The following MAN1A1 variants were observed in gnomAD, a reference collection of about 807,000 sequenced individuals.
MAN1A1 encodes the protein mannosidase alpha class 1A member 1, also known as mannosyl-oligosaccharide 1,2-alpha-mannosidase IA.
MAN1A1 carries 29 observed loss-of-function variants against 70.8 expected under a neutral mutation model. That is an observed-to-expected ratio of 0.41 (90% CI 0.31 to 0.56). The LOEUF (loss-of-function observed/expected upper bound fraction) is 0.56, where lower values mean the gene tolerates loss of function less well. MAN1A1 is among the 20% of genes least tolerant of loss of function. The pLI is 0.29. For missense variants in MAN1A1, 747 were observed against 841.3 expected (o/e 0.89, Z 1.39); for synonymous variants, 349 against 330.1 (o/e 1.06, Z -0.62).
At position 119,188,487 on chromosome 6, in the gene MAN1A1, G is replaced by A. The variant is rs1439145415; in HGVS notation, c.1637C>T (p.Pro546Leu). Reference protein sequence around the residue: ...RQNEKYYILRPEVMETYMYMW... With the variant: ...RQNEKYYILRLEVMETYMYMW... ...ATACATGTAAGTCTCCATAACTTCT[G>A]GCCGTAAGATGTAGTATTTTTCATT... The change falls in exon 11 of 13, where the codon CCA becomes CTA. Residue 546 changes from proline to leucine, a missense_variant. Physicochemically the swap from Pro to Leu is moderately conservative, Grantham distance 98. Transcript: ENST00000368468. The A allele has an allele frequency of 6.2e-7, 1 of 1,613,892 alleles. No individual in the cohort carries two copies.
intron 6 of MAN1A1, among the ~76,000 whole-genome samples, chr6:119,234,854 G>T (rs1040819934): frequency 6.6e-6 from 1 of 152,174 alleles, no homozygotes; most frequent in Non-Finnish European, 1.5e-5. Flanking sequence ...CCTGTGTCAA[G>T]TCTATTGGTG....
At chr6:119,307,058 T>A in intron 2 of MAN1A1, 66 bp from the exon 3 acceptor site, 1 of 1,059,332 alleles carries the variant, frequency 9.4e-7, no homozygotes, top group East Asian at 2.4e-5. Context: ...AAATAGGTAA[T>A]ATATTGAAGA....
intron 10 of MAN1A1, 145 bp downstream of exon 10, chr6:119,189,518 TA>T: frequency 2.7e-6 from 2 of 737,748 alleles, no homozygotes; most frequent in Non-Finnish European, 4.5e-6. Flanking sequence ...CCTTTTAAAA[TA>T]AAATATACAT....
chr6:119,234,446 C>T (rs938183056), intron 6 of MAN1A1, among the ~76,000 whole-genome samples: 15 of 151,986 alleles, frequency 9.9e-5, no homozygotes, highest in Admixed American at 5.2e-4. Context: ...CAGGGTCTCA[C>T]TCTGTCACTT....
intron 2 of MAN1A1, among the ~76,000 whole-genome samples, chr6:119,317,347 A>C (rs755007958): frequency 2.0e-5 from 3 of 152,184 alleles, no homozygotes; most frequent in Non-Finnish European, 2.9e-5. Context: ...CCATAGTATC[A>C]TAGAGTATTT....
intron 4 of MAN1A1, among the ~76,000 whole-genome samples, chr6:119,300,377 T>A (rs984238507): frequency 1.3e-5 from 2 of 151,794 alleles, no homozygotes; most frequent in African/African-American, 2.4e-5. Context: ...TGCCTCAGCC[T>A]CCTGAGTAGC....
chr6:119,195,063 C>T (rs1339402168), intron 8 of MAN1A1, among the ~76,000 whole-genome samples: 2 of 151,960 alleles, frequency 1.3e-5, no homozygotes, highest in Non-Finnish European at 2.9e-5. Context: ...GAACTCCTGA[C>T]CTGATGATCT....
intron 4 of MAN1A1, among the ~76,000 whole-genome samples, chr6:119,299,065 T>C (rs985631664): frequency 6.6e-6 from 1 of 151,972 alleles, no homozygotes; most frequent in Non-Finnish European, 1.5e-5. Flanking sequence ...TTTCTTCATA[T>C]AAATGAGAAA....
At chr6:119,257,777 T>C (rs1283783218) in intron 5 of MAN1A1, among the ~76,000 whole-genome samples, 1 of 152,112 alleles carries the variant, frequency 6.6e-6, no homozygotes, top group Admixed American at 6.5e-5. Context: ...ACCACATGTG[T>C]TATTGTAGGC....
At chr6:119,274,914 T>C (rs1776014253) in intron 5 of MAN1A1, among the ~76,000 whole-genome samples, 4 of 152,236 alleles carry the variant, frequency 2.6e-5, no homozygotes, top group South Asian at 2.1e-4. Flanking sequence ...TAATGAACTA[T>C]ATTAAAAATT....
intron 1 of MAN1A1, 83 bp downstream of exon 1, chr6:119,349,459 C>T: frequency 1.1e-6 from 1 of 935,010 alleles, no homozygotes; most frequent in Non-Finnish European, 1.3e-6. Flanking sequence ...GTGAAGTTAT[C>T]AGGTCCCGTG....
At position 119,180,444 on chromosome 6, in the gene MAN1A1, G is replaced by GAA; in HGVS notation, c.1720-19_1720-18dup. The GAA allele has an allele frequency of 4.8e-6, 6 of 1,251,492 alleles. No homozygotes were observed. The highest frequency in any genetic ancestry group is 2.5e-5 in the East Asian group (1 of 39,936). 77.5% of individuals were successfully genotyped at this position (1,251,492 alleles called of 1,614,324 possible). On this transcript the variant is annotated splice_polypyrimidine_tract_variant and intron_variant, in intron 11 of 12. Coordinates refer to ENST00000368468, the MANE Select transcript of MAN1A1 (RefSeq NM_005907.4). ...TTCCAAGGCCTAAATTATAGAGGAG[G>GAA]AAAAAAAAAAGTCACATTTCAGTAA...
At chr6:119,278,830 C>T (rs9489656) in intron 5 of MAN1A1, among the ~76,000 whole-genome samples, 1,809 of 152,144 alleles carry the variant, frequency 0.012, 39 homozygotes, top group African/African-American at 0.042. Context: ...TCTCTTGGTC[C>T]CTTCTCTGAC....
At chr6:119,320,742 T>C (rs1425251691) in intron 2 of MAN1A1, among the ~76,000 whole-genome samples, 1 of 152,154 alleles carries the variant, frequency 6.6e-6, no homozygotes, top group Non-Finnish European at 1.5e-5. Context: ...AAGTAAAATA[T>C]TTGACCAAAA....
chr6:119,245,963 T>A (rs1775157822), intron 6 of MAN1A1, among the ~76,000 whole-genome samples: 1 of 152,140 alleles, frequency 6.6e-6, no homozygotes, highest in Admixed American at 6.6e-5. Context: ...ACTAGAGGAT[T>A]TAGTAATTTA....
intron 11 of MAN1A1, 52 bp from the exon 12 acceptor site, chr6:119,180,479 C>A: frequency 1.1e-6 from 1 of 940,074 alleles, no homozygotes; most frequent in South Asian, 1.4e-5. Context: ...AACTGATTGT[C>A]ACTAATTTTT....
chr6:119,259,043 G>A (rs1775534423), intron 5 of MAN1A1, among the ~76,000 whole-genome samples: 1 of 152,154 alleles, frequency 6.6e-6, no homozygotes, highest in Admixed American at 6.5e-5. Context: ...TAAGATAGTG[G>A]TTTCCTCAGG....
At chr6:119,346,152 C>A (rs759700097) in intron 2 of MAN1A1, among the ~76,000 whole-genome samples, 1 of 152,088 alleles carries the variant, frequency 6.6e-6, no homozygotes, top group South Asian at 2.1e-4. Flanking sequence ...AAAACTAAGG[C>A]AAAGATCTAC....
intron 5 of MAN1A1, among the ~76,000 whole-genome samples, chr6:119,274,791 AG>A (rs1776009707): frequency 6.6e-6 from 1 of 152,216 alleles, no homozygotes; most frequent in African/African-American, 2.4e-5. Context: ...ATATATTGAA[AG>A]TTTTTGTTAT....
Sources: gnomAD v4.1 joint callset for allele counts (sites outside exome capture counted in the v4.1 genomes callset) on GRCh38, gnomAD v4.1.1 for gene constraint, MANE v1.5 for transcripts, NCBI Gene and HGNC (gene_info 2026-07-23, HGNC 2026-07-21) for gene names.